ARHGAP26: variants seen among roughly 807,000 people sequenced by gnomAD.
ARHGAP26 encodes rho GTPase-activating protein 26.
Under a neutral mutation model 104.8 loss-of-function variants are expected in ARHGAP26, and 38 were observed. The observed-to-expected ratio is 0.36, with a 90% CI of 0.28 to 0.48. ARHGAP26 has a LOEUF of 0.48. Ranked by LOEUF, ARHGAP26 falls within the 20% of genes least tolerant of loss-of-function variation. The pLI, the probability that ARHGAP26 is intolerant of heterozygous loss-of-function variation, is 0.99. For missense variants in ARHGAP26, 704 were observed against 947.9 expected (o/e 0.74, Z 3.38); for synonymous variants, 341 against 340.0 (o/e 1.00, Z -0.03).
chr5:143,003,423 C>G (rs1338119009), intron 11 of ARHGAP26, among the ~76,000 whole-genome samples: 3 of 152,204 alleles, frequency 2.0e-5, no homozygotes. Context: ...CGAAGGAATG[C>G]GCATCCTTAA....
In ARHGAP26 at chr5:143,121,136, A is replaced by C; in HGVS notation, c.1687A>C (p.Asn563His). Residue 563 changes from asparagine to histidine, a missense_variant, in exon 18 of 23, where the codon AAC becomes CAC. Asn to His is a moderately conservative substitution (Grantham distance 68). Around this residue, in one of 6 missense-constraint regions of ARHGAP26, gnomAD observed 287 missense variants for 438.8 expected, o/e 0.65. Transcript: ENST00000645722. Reference sequence around the variant, plus strand: ...CATTGTCATTGAGATCCTAATAGAAAACCACGAAAAGGTAATATGTAATTG... The same window carrying C: ...CATTGTCATTGAGATCCTAATAGAACACCACGAAAAGGTAATATGTAATTG... Reference protein sequence around the residue: ...QNIVIEILIENHEKIFNTVPD... With the variant: ...QNIVIEILIEHHEKIFNTVPD... The C allele has an allele frequency of 6.2e-7, 1 of 1,613,162 alleles. No individual in the cohort carries two copies. Among genetic ancestry groups the C allele is most frequent in the Non-Finnish European group, 8.5e-7 (1 of 1,179,440 alleles).
At chr5:143,014,190 T>C in intron 12 of ARHGAP26, 74 bp downstream of exon 12, 1 of 1,540,102 alleles carries the variant, frequency 6.5e-7, no homozygotes, top group East Asian at 2.3e-5. Flanking sequence ...ACTCCAGGTG[T>C]GAACCACCAG....
chr5:143,166,171 C>G (rs569890343), intron 20 of ARHGAP26: 1 of 1,093,264 alleles, frequency 9.1e-7, no homozygotes, highest in South Asian at 1.7e-5. Context: ...TCCCCTAACT[C>G]ATCTAGAACA....
chr5:142,883,522 T>C (rs1198049264), intron 4 of ARHGAP26, among the ~76,000 whole-genome samples: 1 of 152,250 alleles, frequency 6.6e-6, no homozygotes, highest in African/African-American at 2.4e-5. Context: ...ATGTGTCAGC[T>C]AAAATGGATA....
chr5:143,095,856 G>A (rs1164493679), intron 17 of ARHGAP26, among the ~76,000 whole-genome samples: 1 of 152,214 alleles, frequency 6.6e-6, no homozygotes, highest in Non-Finnish European at 1.5e-5. Context: ...ATAGGCATGA[G>A]CCACTGCTCC....
At position 143,055,990 on chromosome 5, in the gene ARHGAP26, T is replaced by G. The variant is rs375492271; in HGVS notation, c.1374-38T>G. ...TATTTAGAGAGAATATGATTATTCTTATTATTAAGCTGACTAGCCTATCTC... is the reference window on the plus strand; with the variant it reads ...TATTTAGAGAGAATATGATTATTCTGATTATTAAGCTGACTAGCCTATCTC... On this transcript the variant is annotated intron_variant, in intron 15 of 22. Transcript: ENST00000645722. 267 of 1,487,344 alleles carry G rather than the reference T, an allele frequency of 1.8e-4. No individual in the cohort carries two copies. In the Middle Eastern group the frequency reaches 3.5e-3, roughly 19 times the overall value. The allele number at this position is 1,487,344 out of a possible 1,614,324, so 92.1% of individuals were successfully genotyped here.
At chr5:142,891,624 T>C (rs1421184191) in intron 5 of ARHGAP26, among the ~76,000 whole-genome samples, 3 of 151,822 alleles carry the variant, frequency 2.0e-5, no homozygotes, top group East Asian at 3.9e-4. Context: ...AAGTAGCATA[T>C]TGTATTTGGT....
chr5:142,927,964 T>C (rs1175526780), intron 10 of ARHGAP26, among the ~76,000 whole-genome samples: 1 of 152,208 alleles, frequency 6.6e-6, no homozygotes, highest in Admixed American at 6.5e-5. Flanking sequence ...TGTCCTCTTT[T>C]ATGAAGTGCT....
chr5:142,778,396 A>AATC (rs1756794164), intron 1 of ARHGAP26, among the ~76,000 whole-genome samples: 1 of 152,176 alleles, frequency 6.6e-6, no homozygotes, highest in African/African-American at 2.4e-5. Context: ...CCTAGCTAAC[A>AATC]ATCATTGTTA....
chr5:143,041,940 C>A, intron 14 of ARHGAP26, 50 bp downstream of exon 14: 1 of 1,500,310 alleles, frequency 6.7e-7, no homozygotes, highest in Non-Finnish European at 9.1e-7. Context: ...GGGGGGCCCA[C>A]TCTGAAAAGT....
intron 1 of ARHGAP26, among the ~76,000 whole-genome samples, chr5:142,807,638 A>G (rs1763235882): frequency 6.6e-6 from 1 of 151,852 alleles, no homozygotes; most frequent in African/African-American, 2.4e-5. Context: ...TGCCCTCTTC[A>G]CCCTTTTTGT....
At chr5:143,173,205 A>G in intron 20 of ARHGAP26, 1 of 162,422 alleles carries the variant, frequency 6.2e-6, no homozygotes, top group Non-Finnish European at 1.4e-5. Flanking sequence ...TTGCAAGCAA[A>G]TGGAACTGTG....
At chr5:142,889,229 G>A (rs1014129810) in intron 5 of ARHGAP26, among the ~76,000 whole-genome samples, 5 of 152,166 alleles carry the variant, frequency 3.3e-5, no homozygotes, top group Non-Finnish European at 7.4e-5. Context: ...TCTGTTGAAC[G>A]TTTATTATGG....
chr5:143,193,741 G>C (rs1806328647), intron 20 of ARHGAP26, among the ~76,000 whole-genome samples: 1 of 152,084 alleles, frequency 6.6e-6, no homozygotes, highest in Non-Finnish European at 1.5e-5. Context: ...GGTACAGTAA[G>C]ATATTTTGAG....
chr5:142,971,765 A>G (rs1201948070), intron 11 of ARHGAP26, among the ~76,000 whole-genome samples: 2 of 152,176 alleles, frequency 1.3e-5, no homozygotes, highest in African/African-American at 2.4e-5. Flanking sequence ...AACTTTTTCA[A>G]TTTAGCACCA....
intron 1 of ARHGAP26, among the ~76,000 whole-genome samples, chr5:142,851,542 C>T (rs1232808961): frequency 1.3e-5 from 2 of 152,150 alleles, no homozygotes; most frequent in Admixed American, 1.3e-4. Context: ...TTTTGCCCCT[C>T]ATAGGCTCAT....
chr5:143,027,696 C>T (rs538017028), intron 12 of ARHGAP26, among the ~76,000 whole-genome samples: 2 of 152,272 alleles, frequency 1.3e-5, no homozygotes, highest in East Asian at 3.9e-4. Flanking sequence ...CAAAGTGGAA[C>T]AATCCAGCAT....
intron 11 of ARHGAP26, among the ~76,000 whole-genome samples, chr5:142,963,229 T>C (rs1770719627): frequency 6.8e-6 from 1 of 146,746 alleles, no homozygotes; most frequent in Admixed American, 6.7e-5. Flanking sequence ...TGCGCGTGTG[T>C]GTGTGTACCA....
At chr5:142,866,644 T>C (rs1258185845) in intron 1 of ARHGAP26, among the ~76,000 whole-genome samples, 1 of 152,224 alleles carries the variant, frequency 6.6e-6, no homozygotes. Flanking sequence ...GATTTCATTT[T>C]AAAAATCAAC....
Sources: gnomAD v4.1 joint callset for allele counts (sites outside exome capture counted in the v4.1 genomes callset) on GRCh38, gnomAD v4.1.1 for gene constraint, gnomAD v4.1.1 regional missense constraint, MANE v1.5 for transcripts, NCBI Gene and HGNC (gene_info 2026-07-23, HGNC 2026-07-21) for gene names.